DDB2: variants seen among roughly 807,000 people sequenced by gnomAD.
The protein encoded by DDB2 is damage specific DNA binding protein 2.
A neutral mutation model predicts 50.5 loss-of-function variants in DDB2; 27 were observed. The ratio of observed to expected loss-of-function variants is 0.53; its 90% CI spans 0.39 to 0.74. The LOEUF is 0.74. Ranked by LOEUF, DDB2 falls within the 30% of genes least tolerant of loss-of-function variation. The pLI is 0.00. For synonymous variants in DDB2, 176 were observed against 205.5 expected, an observed-to-expected ratio of 0.86 and a Z score of 1.23; for missense variants, 424 against 545.6, an observed-to-expected ratio of 0.78 and a Z score of 2.22.
At chr11:47,227,701 G>A (rs1953580918) in intron 3 of DDB2, among the ~76,000 whole-genome samples, 2 of 151,900 alleles carry the variant, frequency 1.3e-5, no homozygotes, top group Non-Finnish European at 1.5e-5. Flanking sequence ...AACCAACTTT[G>A]CATTCTTGGA....
chr11:47,239,079 C>T lies in DDB2; in HGVS notation c.*230C>T, dbSNP rs1953796595. 1 of 541,314 alleles carries T rather than the reference C, an allele frequency of 1.8e-6. No individual in the cohort carries two copies. Among genetic ancestry groups the T allele is most frequent in the Admixed American group, 3.1e-5 (1 of 31,932 alleles). The allele number at this position is 541,314 out of a possible 1,614,324, so 33.5% of individuals were successfully genotyped here. On this transcript the variant is annotated 3_prime_UTR_variant, in exon 10 of 10. Transcript: ENST00000256996. ...TTGGTGACACAGCTGTCCCAAGGGC[C>T]CCTCTGTATCTAGCCTGGAACCAAG...
At chr11:47,233,301 C>T in intron 4 of DDB2, 1 of 389,962 alleles carries the variant, frequency 2.6e-6, no homozygotes, top group Non-Finnish European at 4.9e-6. Flanking sequence ...GACTGAATGC[C>T]CTGCACTCAC....
chr11:47,238,131 T>C lies in DDB2; in HGVS notation c.1189-7T>C, dbSNP rs770087391. The C allele has an allele frequency of 1.9e-6, 3 of 1,612,770 alleles. No homozygotes were observed. The highest frequency in any genetic ancestry group is 2.2e-5 in the East Asian group (1 of 44,864). ...CTCTCCTCATGTTGACACTCTTGTC[T>C]CTGCAGCTTAATGAATTCAATCCCA... On this transcript the variant is annotated splice_region_variant and splice_polypyrimidine_tract_variant and intron_variant, in intron 8 of 9. Transcript: ENST00000256996.
At chr11:47,218,782 G>A (rs1953436840) in intron 3 of DDB2, among the ~76,000 whole-genome samples, 1 of 151,962 alleles carries the variant, frequency 6.6e-6, no homozygotes, top group Non-Finnish European at 1.5e-5. Flanking sequence ...AGGGTCAGGG[G>A]TAAACTAGAG....
chr11:47,230,676 G>A (rs552555972), intron 3 of DDB2, among the ~76,000 whole-genome samples: 3 of 152,302 alleles, frequency 2.0e-5, no homozygotes, highest in East Asian at 1.9e-4. Flanking sequence ...GAATGTGCCA[G>A]TTAGTATGTT....
chr11:47,218,833 G>C (rs965024068), intron 3 of DDB2, among the ~76,000 whole-genome samples: 1 of 151,924 alleles, frequency 6.6e-6, no homozygotes, highest in Non-Finnish European at 1.5e-5. Flanking sequence ...GATATCAGAT[G>C]TGATTTTTCT....
intron 3 of DDB2, among the ~76,000 whole-genome samples, chr11:47,225,344 G>C (rs1313046812): frequency 6.6e-6 from 1 of 151,334 alleles, no homozygotes; most frequent in African/African-American, 2.4e-5. Context: ...TGTAATCCCA[G>C]CACTTTGGGA....
At chr11:47,235,033 C>A in intron 6 of DDB2, 99 bp downstream of exon 6, 1 of 1,421,198 alleles carries the variant, frequency 7.0e-7, no homozygotes. Flanking sequence ...AAACCTTTAC[C>A]CCTGATAGCG....
At position 47,215,086 on chromosome 11, in the gene DDB2, C is replaced by T. The variant is rs1375414987; in HGVS notation, c.-51C>T. The T allele has an allele frequency of 1.2e-5, 19 of 1,613,524 alleles. No homozygotes were observed. Among genetic ancestry groups the T allele is most frequent in the Non-Finnish European group, 1.6e-5 (19 of 1,179,758 alleles). ...TTCTCCCCAGAGGCCTCTCAATCCT[C>T]CCTCCATGATCTTCGCATAGAGCAC... On this transcript the variant is annotated 5_prime_UTR_variant, in exon 1 of 10. Coordinates refer to ENST00000256996, the MANE Select transcript of DDB2 (RefSeq NM_000107.3).
upstream of DDB2, chr11:47,214,844 CT>C (rs1391359963): frequency 2.1e-6 from 1 of 479,938 alleles, no homozygotes; most frequent in Non-Finnish European, 3.8e-6. Context: ...CGGGCTGGCA[CT>C]GGCCCTGGCG....
At chr11:47,233,034 T>G (rs1953672141) in intron 4 of DDB2, 75 bp downstream of exon 4, 13 of 1,529,020 alleles carry the variant, frequency 8.5e-6, no homozygotes, top group Non-Finnish European at 1.2e-5. Flanking sequence ...CAGATCCCAT[T>G]TCCTTAACCC....
chr11:47,235,640 T>C, intron 7 of DDB2: 1 of 589,746 alleles, frequency 1.7e-6, no homozygotes, highest in Non-Finnish European at 3.0e-6. Flanking sequence ...TTTTTCTGAG[T>C]TTTTTCAGCC....
intron 3 of DDB2, among the ~76,000 whole-genome samples, chr11:47,228,178 T>C (rs898832936): frequency 4.1e-5 from 6 of 147,242 alleles, no homozygotes; most frequent in African/African-American, 1.5e-4. Context: ...CTGATTTCTG[T>C]GAATTGCTTG....
intron 3 of DDB2, 51 bp from the exon 4 acceptor site, chr11:47,232,763 C>G: frequency 6.2e-7 from 1 of 1,606,580 alleles, no homozygotes; most frequent in Non-Finnish European, 8.5e-7. Flanking sequence ...GGCCTGGTTC[C>G]TCACGGCCAG....
Position 47,216,400 on chromosome 11 carries a change from A to C in DDB2, c.192A>C (p.Pro64=), listed in dbSNP as rs753467757. ...GGCTGGCTGGCCCACAGATCCTGCC[A>C]CCATGCCGCAGCATCGTCAGGACCC... The part of the protein sequence containing the change: ...WVGLAGPQIL[P]PCRSIVRTLH... Residue 64 remains proline (P), a synonymous_variant, in exon 2 of 10, where the codon CCA becomes CCC. Coordinates refer to ENST00000256996, the MANE Select transcript of DDB2 (RefSeq NM_000107.3). 1.2e-6 allele frequency: 2 copies of C among 1,614,150 alleles called. No homozygotes were observed. The highest frequency in any genetic ancestry group is 1.7e-6 in the Non-Finnish European group (2 of 1,180,036).
Position 47,217,001 on chromosome 11 carries a change from C to G in DDB2, c.408C>G (p.Ile136Met). ...CTGTGGGTTCCAAAGGGGGAGATAT[C>G]ATGCTCTGGAATTTTGGCATCAAGG... ...TVAVGSKGGD[I>M]MLWNFGIKDK... The change falls in exon 3 of 10, where the codon ATC becomes ATG. Residue 136 changes from isoleucine to methionine, a missense_variant. Ile to Met is a conservative substitution (Grantham distance 10). Transcript: ENST00000256996. 6.2e-7 allele frequency: 1 copy of G among 1,614,118 alleles called. No homozygotes were observed. Among genetic ancestry groups the G allele is most frequent in the Non-Finnish European group, 8.5e-7 (1 of 1,180,014 alleles).
chr11:47,230,887 G>A (rs1953637506), intron 3 of DDB2, among the ~76,000 whole-genome samples: 1 of 152,090 alleles, frequency 6.6e-6, no homozygotes, highest in Admixed American at 6.6e-5. Flanking sequence ...TTGGGAAGCC[G>A]AGGCAGGCCA....
intron 3 of DDB2, among the ~76,000 whole-genome samples, chr11:47,231,324 G>A (rs1437650912): frequency 6.6e-6 from 1 of 152,066 alleles, no homozygotes; most frequent in Admixed American, 6.6e-5. Context: ...CTGAGCTGAA[G>A]CTCTTCTAAA....
chr11:47,216,072 G>T, intron 1 of DDB2: 1 of 564,918 alleles, frequency 1.8e-6, no homozygotes, highest in Non-Finnish European at 3.2e-6. Context: ...TGTTTCTTTG[G>T]CTGGGGTCTC....
Sources: gnomAD v4.1 joint callset for allele counts (sites outside exome capture counted in the v4.1 genomes callset) on GRCh38, gnomAD v4.1.1 for gene constraint, MANE v1.5 for transcripts, NCBI Gene and HGNC (gene_info 2026-07-23, HGNC 2026-07-21) for gene names.